PCDHA5: variants seen among roughly 807,000 people sequenced by gnomAD.
PCDHA5 encodes the protein protocadherin alpha-5.
In PCDHA5, 43 loss-of-function variants were observed where a neutral mutation model predicts 61.6. The observed-to-expected ratio is 0.70, with a 90% CI of 0.55 to 0.90. The LOEUF (loss-of-function observed/expected upper bound fraction) is 0.90. PCDHA5 is among the 40% of genes least tolerant of loss of function. The pLI is 0.00. For synonymous variants in PCDHA5, 627 were observed against 543.9 expected (o/e 1.15, Z -2.13); for missense variants, 1,298 against 1,222.7 (o/e 1.06, Z -0.92).
chr5:140,845,640 T>C (rs1256673286), intron 1 of PCDHA5, among the ~76,000 whole-genome samples: 1 of 149,636 alleles, frequency 6.7e-6, no homozygotes, highest in Non-Finnish European at 1.5e-5. Flanking sequence ...AATCAAGTCC[T>C]CCCTTTACCA....
rs2150424072 is a variant in PCDHA5, at chr5:140,848,906, A to C, written c.2352+24779A>C. 6 of 1,608,120 alleles carry C rather than the reference A, an allele frequency of 3.7e-6. No individual in the cohort carries two copies. In the East Asian group the frequency reaches 1.3e-4, roughly 36 times the overall value. On this transcript the variant is annotated intron_variant, in intron 1 of 3. Transcript: ENST00000529859. ...ACCCTCCAGTGTTCCCAGCGACACA[A>C]AAGAATCTGTTCATCGCGGAATCCA... is the stretch of plus-strand genomic sequence containing the variant.
At chr5:140,944,746 A>G (rs1009788923) in intron 1 of PCDHA5, among the ~76,000 whole-genome samples, 6 of 152,214 alleles carry the variant, frequency 3.9e-5, no homozygotes, top group African/African-American at 1.4e-4. Context: ...GAGCATTTAC[A>G]TGGAAAAAAT....
At chr5:140,852,033 A>C in intron 1 of PCDHA5, 2 of 934,104 alleles carry the variant, frequency 2.1e-6, no homozygotes, top group Non-Finnish European at 2.6e-6. Context: ...TCGCTTATTG[A>C]GTTTTTGTTA....
chr5:140,892,219 A>T (rs1248122428), intron 1 of PCDHA5, among the ~76,000 whole-genome samples: 2 of 152,118 alleles, frequency 1.3e-5, no homozygotes, highest in Non-Finnish European at 2.9e-5. Flanking sequence ...TTGTATCTTT[A>T]TGGTGTTTTG....
chr5:140,841,442 C>T (rs2150315627), intron 1 of PCDHA5: 3 of 1,613,000 alleles, frequency 1.9e-6, no homozygotes, highest in Non-Finnish European at 2.5e-6. Context: ...GGAGGCCAAA[C>T]ACGGCACCTT....
At chr5:140,848,624 C>T in intron 1 of PCDHA5, 2 of 1,593,432 alleles carry the variant, frequency 1.3e-6, no homozygotes, top group South Asian at 2.2e-5. Context: ...AACACGGCAC[C>T]TTCGTGGGCC....
intron 1 of PCDHA5, among the ~76,000 whole-genome samples, chr5:140,888,192 A>G (rs906159358): frequency 4.6e-5 from 7 of 152,120 alleles, no homozygotes; most frequent in Non-Finnish European, 8.8e-5. Context: ...TGAATTTTAC[A>G]TTGTCGGATG....
In PCDHA5 at chr5:140,821,814, C is replaced by T. The variant is rs139136006; in HGVS notation, c.39C>T (p.Leu13=). ...YSRRGSLGSR[L]LLLWLLLAYW... ...GGAGAGGAAGTCTGGGATCCCGGCTCCTGCTGCTCTGGCTTCTCCTTGCCT... is the reference window on the plus strand; with the variant it reads ...GGAGAGGAAGTCTGGGATCCCGGCTTCTGCTGCTCTGGCTTCTCCTTGCCT... Residue 13 remains leucine (L), a synonymous_variant, in exon 1 of 4, where the codon CTC becomes CTT. Coordinates refer to ENST00000529859, the MANE Select transcript of PCDHA5 (RefSeq NM_018908.3). The T allele has an allele frequency of 5.7e-5, 92 of 1,613,758 alleles. No individual in the cohort carries two copies. Among genetic ancestry groups the T allele is most frequent in the Non-Finnish European group, 6.7e-5 (79 of 1,179,894 alleles).
At chr5:140,851,276 T>C in intron 1 of PCDHA5, 3 of 1,056,768 alleles carry the variant, frequency 2.8e-6, no homozygotes, top group Non-Finnish European at 3.5e-6. Context: ...TTGTATTGTT[T>C]ATAAGAAACC....
intron 1 of PCDHA5, chr5:140,877,799 T>C: frequency 1.2e-6 from 2 of 1,613,438 alleles, no homozygotes; most frequent in Non-Finnish European, 1.7e-6. Context: ...AGCCCAAGCC[T>C]TCAGCTGTCT....
Position 140,982,346 on chromosome 5 carries a change from G to T in PCDHA5, c.2412-129G>T, listed in dbSNP as rs1484322650. On this transcript the variant is annotated intron_variant, in intron 2 of 3. Coordinates refer to ENST00000529859, the MANE Select transcript of PCDHA5 (RefSeq NM_018908.3). ...TGACTGCTCAGCAGTAATTGCTTCA[G>T]TTCAAGCATGAGCAGAATGTGTTAG... 2.7e-6 allele frequency: 4 copies of T among 1,492,344 alleles called. No homozygotes were observed. The Admixed American group carries it at 8.5e-5, about 32-fold the overall frequency. The allele number at this position is 1,492,344 out of a possible 1,614,324, so 92.4% of individuals were successfully genotyped here. A position where few individuals can be genotyped will look rare whatever the true frequency, so the allele number is the denominator to read the frequency against.
intron 1 of PCDHA5, among the ~76,000 whole-genome samples, chr5:140,923,395 G>A (rs782033907): frequency 6.6e-6 from 1 of 152,240 alleles, no homozygotes; most frequent in South Asian, 2.1e-4. Flanking sequence ...GGGCATGGTG[G>A]TGTGTGCCTA....
intron 1 of PCDHA5, chr5:140,884,480 A>G (rs782532542): frequency 6.2e-7 from 1 of 1,613,780 alleles, no homozygotes; most frequent in South Asian, 1.1e-5. Context: ...GGGCAAGCCC[A>G]CTCTAGTGTG....
At chr5:140,875,278 T>A in intron 1 of PCDHA5, 1 of 1,326,774 alleles carries the variant, frequency 7.5e-7, no homozygotes, top group Non-Finnish European at 9.9e-7. Context: ...ACTCAGAAGG[T>A]GAAACAGGAA....
At chr5:140,876,388 G>A in intron 1 of PCDHA5, 2 of 1,613,896 alleles carry the variant, frequency 1.2e-6, no homozygotes, top group Non-Finnish European at 1.7e-6. Context: ...TAGAATTTAT[G>A]GTGAACTGGA....
chr5:140,938,843 C>T (rs1232774282), intron 1 of PCDHA5, among the ~76,000 whole-genome samples: 3 of 152,012 alleles, frequency 2.0e-5, no homozygotes, highest in Admixed American at 6.6e-5. Flanking sequence ...AACAAACCTG[C>T]CCATGTACCC....
intron 1 of PCDHA5, chr5:140,852,649 T>C (rs1206238129): frequency 3.1e-6 from 3 of 960,206 alleles, no homozygotes; most frequent in African/African-American, 3.6e-5. Context: ...TAAACCTATC[T>C]ATATCTGTCT....
At chr5:140,876,968 T>C (rs782613091) in intron 1 of PCDHA5, 1 of 1,608,986 alleles carries the variant, frequency 6.2e-7, no homozygotes, top group Non-Finnish European at 8.5e-7. Context: ...GAGCGGCGGG[T>C]GGGCGAGCAC....
At chr5:140,958,703 C>T (rs1302459806) in intron 1 of PCDHA5, among the ~76,000 whole-genome samples, 3 of 152,112 alleles carry the variant, frequency 2.0e-5, no homozygotes, top group Non-Finnish European at 4.4e-5. Flanking sequence ...AGAGTGACAA[C>T]TCTGTTATAA....
Sources: gnomAD v4.1 joint callset for allele counts (sites outside exome capture counted in the v4.1 genomes callset) on GRCh38, gnomAD v4.1.1 for gene constraint, MANE v1.5 for transcripts, NCBI Gene and HGNC (gene_info 2026-07-23, HGNC 2026-07-21) for gene names.